Variants in PTPN20 observed in about 807,000 individuals in gnomAD.
The protein encoded by PTPN20 is protein tyrosine phosphatase non-receptor type 20.
A neutral mutation model predicts 35.0 loss-of-function variants in PTPN20; 9 were observed. That is an observed-to-expected ratio of 0.26 (90% confidence interval 0.15 to 0.45). The LOEUF (loss-of-function observed/expected upper bound fraction) is 0.45. PTPN20 is among the 20% of genes least tolerant of loss of function. PTPN20 has a pLI of 1.00. For missense variants in PTPN20, 111 were observed against 312.5 expected, an observed-to-expected ratio of 0.36 and a Z score of 4.86; for synonymous variants, 32 against 100.2, an observed-to-expected ratio of 0.32 and a Z score of 4.06.
At chr10:46,989,562 A>AT (rs1165801829) in intron 9 of PTPN20, among the ~76,000 whole-genome samples, 24 of 3,034 alleles carry the variant, frequency 7.9e-3, no homozygotes, top group African/African-American at 0.028. Context: ...TTTGTTGAGG[A>AT]TTTTTTTTTT....
At chr10:46,995,742 A>G (rs2058987604) in intron 9 of PTPN20, among the ~76,000 whole-genome samples, 1 of 152,194 alleles carries the variant, frequency 6.6e-6, no homozygotes, top group South Asian at 2.1e-4. Flanking sequence ...GGTAACCCAG[A>G]TGGTGGGAAA....
intron 6 of PTPN20, among the ~76,000 whole-genome samples, chr10:46,966,167 C>G: frequency 6.6e-6 from 1 of 151,540 alleles, no homozygotes; most frequent in Non-Finnish European, 1.5e-5. Context: ...GATCAGCCCA[C>G]CTTGGCCTCC....
intron 5 of PTPN20, among the ~76,000 whole-genome samples, chr10:46,947,304 A>T (rs1449239867): frequency 6.7e-6 from 1 of 148,936 alleles, no homozygotes; most frequent in South Asian, 2.2e-4. Context: ...GTTGGAGAGG[A>T]TCTTAGAGGT....
chr10:46,933,493 C>G (rs1171194034), intron 2 of PTPN20, among the ~76,000 whole-genome samples: 4 of 146,808 alleles, frequency 2.7e-5, no homozygotes, highest in African/African-American at 1.0e-4. Flanking sequence ...TGGAAACCAC[C>G]ATTCTGCTAT....
chr10:46,929,254 A>T (rs2038755068), intron 1 of PTPN20, among the ~76,000 whole-genome samples: 1 of 124,558 alleles, frequency 8.0e-6, no homozygotes, highest in Admixed American at 8.3e-5. Flanking sequence ...ATTAGATGGG[A>T]TCACTTTGTT....
At position 46,982,981 on chromosome 10, in the gene PTPN20, A is replaced by G. The variant is rs79909521; in HGVS notation, c.584-1249A>G. Among the ~76,000 whole-genome samples, 251 of 151,610 alleles carry G rather than the reference A, an allele frequency of 1.7e-3. 1 individual carries two copies. Among genetic ancestry groups the G allele is most frequent in the African/African-American group, 5.7e-3 (237 of 41,352 alleles). ...AAATAGGAGTTTTTAAGGTGTTATCATCTTTTATAGAAAGGAGAATATTTG... is the reference window on the plus strand; with the variant it reads ...AAATAGGAGTTTTTAAGGTGTTATCGTCTTTTATAGAAAGGAGAATATTTG... On this transcript the variant is annotated intron_variant, in intron 7 of 10. Coordinates refer to ENST00000374339, the MANE Select transcript of PTPN20 (RefSeq NM_001042357.5).
At chr10:46,999,813 T>A in intron 9 of PTPN20, 99 bp from the exon 10 acceptor site, 10 of 1,385,732 alleles carry the variant, frequency 7.2e-6, no homozygotes, top group Non-Finnish European at 1.0e-5. Flanking sequence ...GAGATCTTTC[T>A]GATTAAATCT....
intron 3 of PTPN20, among the ~76,000 whole-genome samples, chr10:46,941,569 G>T (rs1442612694): frequency 1.6e-5 from 2 of 124,874 alleles, no homozygotes; most frequent in Non-Finnish European, 3.2e-5. Flanking sequence ...AAGCAGAGAC[G>T]ATTTGAAAGG....
chr10:46,996,700 T>A (rs2059155574), intron 9 of PTPN20, among the ~76,000 whole-genome samples: 1 of 152,192 alleles, frequency 6.6e-6, no homozygotes, highest in Admixed American at 6.5e-5. Flanking sequence ...GGCCTATTGA[T>A]GGCTAGTTGT....
At chr10:47,003,090 A>G (rs923918885), downstream of PTPN20, among the ~76,000 whole-genome samples, 1 of 152,038 alleles carries the variant, frequency 6.6e-6, no homozygotes, top group African/African-American at 2.4e-5. Context: ...AAAAGAAGTC[A>G]TTGGTATTCA....
In PTPN20 at chr10:46,977,476, T is replaced by C. The variant is rs1228823702; in HGVS notation, c.584-6754T>C. ...ATCTGATAAGATGTAAAGGCATTAA[T>C]GACTTTTCAGTAGTGAATAGAGTAT... On this transcript the variant is annotated intron_variant, in intron 7 of 10. Coordinates refer to ENST00000374339, the MANE Select transcript of PTPN20 (RefSeq NM_001042357.5). 2.0e-5 allele frequency among the ~76,000 whole-genome samples: 3 copies of C among 152,366 alleles called. No individual in the cohort carries two copies. In the East Asian group the frequency reaches 5.8e-4, roughly 29 times the overall value.
chr10:46,947,005 A>G (rs2045004923), intron 5 of PTPN20, among the ~76,000 whole-genome samples: 2 of 150,496 alleles, frequency 1.3e-5, no homozygotes, highest in South Asian at 4.2e-4. Flanking sequence ...AATTTGTTGC[A>G]CAATATATGC....
chr10:46,929,158 A>G (rs1429302712), intron 1 of PTPN20, among the ~76,000 whole-genome samples: 9 of 72,400 alleles, frequency 1.2e-4, no homozygotes, highest in African/African-American at 6.7e-4. Context: ...TGACTCTCCA[A>G]TTATGTCACC....
intron 1 of PTPN20, among the ~76,000 whole-genome samples, chr10:46,923,596 C>T (rs1555110724): frequency 6.6e-6 from 1 of 151,356 alleles, no homozygotes; most frequent in Non-Finnish European, 1.5e-5. Flanking sequence ...TCAACAGTAC[C>T]TTGTGGTCTT....
In PTPN20 at chr10:46,952,871, C is replaced by T. The variant is rs1390406414; in HGVS notation, c.340+6196C>T. Among the ~76,000 whole-genome samples the T allele has an allele frequency of 5.6e-3, 844 of 150,824 alleles. 8 individuals are homozygous for T. The highest frequency in any genetic ancestry group is 7.9e-3 in the Non-Finnish European group (537 of 67,832). On this transcript the variant is annotated intron_variant, in intron 5 of 10. Coordinates refer to ENST00000374339, the MANE Select transcript of PTPN20 (RefSeq NM_001042357.5). The stretch of plus-strand genomic sequence containing the variant: ...CCAGCACACTAGGCAGTGTAGTAAT[C>T]CCCCTTTCCCTGATGATTCAGTAGC...
intron 9 of PTPN20, among the ~76,000 whole-genome samples, chr10:46,988,720 T>C (rs1290966776): frequency 6.6e-6 from 1 of 152,100 alleles, no homozygotes; most frequent in African/African-American, 2.4e-5. Flanking sequence ...TGCATAGTAT[T>C]CCATTTTCCA....
At chr10:46,995,271 GT>G (rs1190757231) in intron 9 of PTPN20, among the ~76,000 whole-genome samples, 1 of 121,562 alleles carries the variant, frequency 8.2e-6, no homozygotes, top group Admixed American at 7.9e-5. Context: ...GCTTATTTTT[GT>G]TTTTTATTGA....
At chr10:47,000,432 A>T (rs782401145) in intron 10 of PTPN20, among the ~76,000 whole-genome samples, 26 of 151,870 alleles carry the variant, frequency 1.7e-4, no homozygotes, top group Non-Finnish European at 2.6e-4. Flanking sequence ...GGATAATGAT[A>T]AAAAAAACAG....
chr10:46,953,361 T>TTCTTTCTTTCTTTCTTTCTC (rs1555148706), intron 5 of PTPN20, among the ~76,000 whole-genome samples: 2 of 140,284 alleles, frequency 1.4e-5, no homozygotes, highest in Non-Finnish European at 3.0e-5. Context: ...CTTTCTTTCT[T>TTCTTTCTTTCTTTCTTTCTC]TCTTTCTTTC....
Sources: allele counts gnomAD v4.1 joint callset (sites outside exome capture counted in the v4.1 genomes callset), GRCh38; gene constraint gnomAD v4.1.1; transcripts MANE v1.5; gene names NCBI Gene and HGNC (gene_info 2026-07-23, HGNC 2026-07-21).